UQCC1: variants seen among roughly 807,000 people sequenced by gnomAD.
The protein encoded by UQCC1 is ubiquinol-cytochrome c reductase complex assembly factor 1.
In UQCC1, 38 loss-of-function variants were observed where a neutral mutation model predicts 48.0. The observed-to-expected ratio is 0.79, with a 90% confidence interval of 0.61 to 1.04. UQCC1 has a LOEUF of 1.04. Ranked by LOEUF, UQCC1 falls within the 50% of genes least tolerant of loss-of-function variation. The probability of loss-of-function intolerance (pLI) is 0.00; values close to 1 mark genes in which losing one functional copy is unlikely to be tolerated. For synonymous variants in UQCC1, 111 were observed against 129.2 expected (o/e 0.86, Z 0.95); for missense variants, 368 against 381.8 (o/e 0.96, Z 0.30).
At chr20:35,391,160 C>T (rs1012915530) in intron 2 of UQCC1, among the ~76,000 whole-genome samples, 1 of 150,960 alleles carries the variant, frequency 6.6e-6, no homozygotes, top group Non-Finnish European at 1.5e-5. Context: ...CACCACTGCA[C>T]TCTAGCATGG....
intron 7 of UQCC1, among the ~76,000 whole-genome samples, chr20:35,330,010 A>G (rs1474027450): frequency 6.6e-6 from 1 of 152,240 alleles, no homozygotes; most frequent in Non-Finnish European, 1.5e-5. Context: ...TGATTCTAAG[A>G]AGATAGGGTT....
Position 35,330,069 on chromosome 20 carries a change from T to C in UQCC1, c.574-15304A>G, listed in dbSNP as rs6058228. ...TCACTCATTCACCATTCAACCAATA[T>C]TGGATGGAGGCTTACCATGTGCTAA... On this transcript the variant is annotated intron_variant, in intron 7 of 9. Coordinates refer to ENST00000374385, the MANE Select transcript of UQCC1 (RefSeq NM_018244.5). Among the ~76,000 whole-genome samples the C allele has an allele frequency of 7.1e-3, 1,074 of 152,260 alleles. 11 individuals carry two copies. The highest frequency in any genetic ancestry group is 0.016 in the African/African-American group (645 of 41,542).
At chr20:35,385,923 C>T (rs1436333678) in intron 2 of UQCC1, among the ~76,000 whole-genome samples, 9 of 151,186 alleles carry the variant, frequency 6.0e-5, no homozygotes, top group Admixed American at 2.6e-4. Context: ...CATACCCCTT[C>T]CCCCACATGC....
At chr20:35,403,909 C>G (rs1293547525) in intron 1 of UQCC1, among the ~76,000 whole-genome samples, 1 of 151,954 alleles carries the variant, frequency 6.6e-6, no homozygotes, top group East Asian at 1.9e-4. Context: ...CAGGGCCTGT[C>G]GTGGGGTGGG....
At chr20:35,373,273 C>T (rs1328293616) in intron 5 of UQCC1, among the ~76,000 whole-genome samples, 1 of 152,086 alleles carries the variant, frequency 6.6e-6, no homozygotes, top group African/African-American at 2.4e-5. Flanking sequence ...CCTTTTGACC[C>T]AATAGTCTTT....
At chr20:35,312,373 A>C (rs952502643) in intron 8 of UQCC1, among the ~76,000 whole-genome samples, 2 of 152,114 alleles carry the variant, frequency 1.3e-5, no homozygotes, top group Non-Finnish European at 2.9e-5. Flanking sequence ...AAGTTAAGAA[A>C]CTGAACTCCA....
At chr20:35,336,365 T>C (rs1313498901) in intron 7 of UQCC1, among the ~76,000 whole-genome samples, 3 of 152,224 alleles carry the variant, frequency 2.0e-5, no homozygotes, top group Admixed American at 2.0e-4. Flanking sequence ...TTTGCAGCTG[T>C]GATCAAATTA....
intron 7 of UQCC1, among the ~76,000 whole-genome samples, chr20:35,316,590 G>A (rs1380939359): frequency 6.6e-6 from 1 of 152,210 alleles, no homozygotes; most frequent in African/African-American, 2.4e-5. Flanking sequence ...TCAAGTGATA[G>A]TTTTGCTATG....
intron 6 of UQCC1, among the ~76,000 whole-genome samples, chr20:35,357,427 G>A (rs900773667): frequency 1.3e-5 from 2 of 152,174 alleles, no homozygotes; most frequent in African/African-American, 4.8e-5. Context: ...GGCCGAGGCA[G>A]GAGAATGGCT....
intron 6 of UQCC1, among the ~76,000 whole-genome samples, chr20:35,355,580 A>G (rs2061537866): frequency 2.0e-5 from 3 of 152,248 alleles, no homozygotes; most frequent in Admixed American, 6.5e-5. Context: ...GAATGTCCAG[A>G]CAAGCAGCTG....
intron 2 of UQCC1, among the ~76,000 whole-genome samples, chr20:35,385,310 C>T (rs570784047): frequency 4.6e-5 from 7 of 152,282 alleles, no homozygotes; most frequent in Admixed American, 3.9e-4. Flanking sequence ...GGATCACAAT[C>T]GCCACCTTTT....
At position 35,360,965 on chromosome 20, in the gene UQCC1, C is replaced by T. The variant is rs141239039; in HGVS notation, c.464+5592G>A. 4.9e-3 allele frequency among the ~76,000 whole-genome samples: 751 copies of T among 152,246 alleles called. 1 individual carries two copies. Among genetic ancestry groups the T allele is most frequent in the Middle Eastern group, 0.014 (4 of 294 alleles). ...AGTTAACTTCAGAGTTGTCTCGGGT[C>T]AGCCACTACTGAGTAAGTGGCCTGA... is the stretch of plus-strand genomic sequence containing the variant. On this transcript the variant is annotated intron_variant, in intron 6 of 9. Coordinates refer to ENST00000374385, the MANE Select transcript of UQCC1 (RefSeq NM_018244.5).
chr20:35,401,209 T>C (rs144103902), intron 1 of UQCC1, among the ~76,000 whole-genome samples: 1 of 152,314 alleles, frequency 6.6e-6, no homozygotes, highest in East Asian at 1.9e-4. Flanking sequence ...ACATTGTTGA[T>C]TCATTAACAC....
At chr20:35,363,464 G>C (rs191042127) in intron 6 of UQCC1, among the ~76,000 whole-genome samples, 4 of 152,144 alleles carry the variant, frequency 2.6e-5, no homozygotes, top group Admixed American at 6.5e-5. Context: ...AACTGATAAG[G>C]GTCCTCTAGG....
intron 5 of UQCC1, among the ~76,000 whole-genome samples, chr20:35,371,699 G>GAAAAAAAAAAAAAAAAAAA (rs57335287): frequency 1.1e-5 from 1 of 92,234 alleles, no homozygotes; most frequent in African/African-American, 4.4e-5. Flanking sequence ...GGCACTTAAA[G>GAAAAAAAAAAAAAAAAAAA]AAAAAAAAAA....
chr20:35,386,184 A>G (rs947344861), intron 2 of UQCC1: 3 of 358,810 alleles, frequency 8.4e-6, no homozygotes, highest in East Asian at 7.8e-5. Context: ...TTGTTAAGTT[A>G]GAATTATGGA....
chr20:35,335,859 C>A (rs57686021), intron 7 of UQCC1, among the ~76,000 whole-genome samples: 1 of 152,140 alleles, frequency 6.6e-6, no homozygotes, highest in African/African-American at 2.4e-5. Flanking sequence ...TAGAAGCTAA[C>A]TAACTGGAGA....
At chr20:35,367,092 T>TTA (rs1249608417) in intron 5 of UQCC1, among the ~76,000 whole-genome samples, 24 of 101,794 alleles carry the variant, frequency 2.4e-4, no homozygotes, top group Non-Finnish European at 3.4e-4. Flanking sequence ...AGACTCTGTC[T>TTA]AAAAAAAAAA....
rs2061876020 is a variant in UQCC1, at chr20:35,382,015, G to C, written c.236C>G (p.Thr79Ser). 6.3e-7 allele frequency: 1 copy of C among 1,595,040 alleles called. No individual in the cohort carries two copies. The highest frequency in any genetic ancestry group is 1.8e-5 in the Admixed American group (1 of 54,340). Residue 79 changes from threonine (T) to serine (S), a missense_variant, in exon 4 of 10, where the codon ACC (threonine) becomes AGC (serine). Transcript: ENST00000374385. ...CTCAACAGGCTGTGGGGAATCTTTG[G>C]TAGTAGAAAGCTGATTAACCAAAAA... ...KYHTTRKLST[T>S]KDSPQPVEEK...
Sources: allele counts gnomAD v4.1 joint callset (sites outside exome capture counted in the v4.1 genomes callset), GRCh38; gene constraint gnomAD v4.1.1; transcripts MANE v1.5; gene names NCBI Gene and HGNC (gene_info 2026-07-23, HGNC 2026-07-21).